The following ARHGEF7 variants were observed in gnomAD, a reference collection of about 807,000 sequenced individuals.
The protein encoded by ARHGEF7 is Rho guanine nucleotide exchange factor 7.
A neutral mutation model predicts 109.8 loss-of-function variants in ARHGEF7; 33 were observed. That is an observed-to-expected ratio of 0.30 (90% confidence interval 0.23 to 0.40). ARHGEF7 has a LOEUF of 0.40. Ranked by LOEUF, ARHGEF7 falls within the 10% of genes least tolerant of loss-of-function variation. The pLI, the probability that ARHGEF7 is intolerant of heterozygous loss-of-function variation, is 1.00. For synonymous variants in ARHGEF7, 458 were observed against 424.6 expected (o/e 1.08, Z -0.97); for missense variants, 938 against 1,098.5 (o/e 0.85, Z 2.07).
intron 8 of ARHGEF7, chr13:111,265,549 G>A (rs1255860401): frequency 2.2e-6 from 1 of 456,700 alleles, no homozygotes; most frequent in Admixed American, 2.3e-5. Context: ...GAGACTGCAT[G>A]GAGGTGGAAC....
intron 2 of ARHGEF7, among the ~76,000 whole-genome samples, chr13:111,177,550 C>T (rs1253079669): frequency 6.6e-6 from 1 of 152,092 alleles, no homozygotes; most frequent in Non-Finnish European, 1.5e-5. Flanking sequence ...ATCCCTGAGC[C>T]GTGTTGGTGA....
chr13:111,244,403 G>GTTAC (rs1353306148), intron 8 of ARHGEF7, 109 bp downstream of exon 8: 2 of 690,576 alleles, frequency 2.9e-6, no homozygotes, highest in African/African-American at 3.7e-5. Flanking sequence ...GCAAACTTAA[G>GTTAC]TTATTTTAAA....
intron 2 of ARHGEF7, among the ~76,000 whole-genome samples, chr13:111,172,521 C>T (rs1275474628): frequency 6.6e-6 from 1 of 152,254 alleles, no homozygotes; most frequent in Non-Finnish European, 1.5e-5. Context: ...GTCACATCCT[C>T]TCTGACTGCT....
intron 1 of ARHGEF7, chr13:111,153,507 C>T (rs978664274): frequency 1.7e-5 from 9 of 537,698 alleles, no homozygotes; most frequent in African/African-American, 2.1e-5. Context: ...GCTCCCTCTA[C>T]CGGACCGAGG....
intron 3 of ARHGEF7, among the ~76,000 whole-genome samples, chr13:111,205,928 C>T (rs1481520445): frequency 6.6e-6 from 1 of 152,086 alleles, no homozygotes; most frequent in East Asian, 1.9e-4. Context: ...TCATGGGCCA[C>T]AGCGAAGACA....
At chr13:111,235,901 A>G (rs542270465) in intron 6 of ARHGEF7, among the ~76,000 whole-genome samples, 26 of 152,324 alleles carry the variant, frequency 1.7e-4, no homozygotes, top group African/African-American at 6.3e-4. Context: ...GTGTGGACCA[A>G]TGGTGTTAAG....
chr13:111,205,235 C>A, intron 2 of ARHGEF7, 54 bp from the exon 3 acceptor site: 1 of 1,431,962 alleles, frequency 7.0e-7, no homozygotes, highest in Non-Finnish European at 9.6e-7. Flanking sequence ...CTTAGTTCAT[C>A]CTGCACCCAA....
chr13:111,154,392 C>CT (rs1431409884), intron 2 of ARHGEF7, among the ~76,000 whole-genome samples: 1 of 152,210 alleles, frequency 6.6e-6, no homozygotes, highest in Non-Finnish European at 1.5e-5. Flanking sequence ...GCATCTAGGT[C>CT]TGGGTCAGGC....
At chr13:111,269,839 C>T (rs2091990627) in intron 9 of ARHGEF7, among the ~76,000 whole-genome samples, 1 of 152,204 alleles carries the variant, frequency 6.6e-6, no homozygotes, top group African/African-American at 2.4e-5. Context: ...GTCAGGCTTC[C>T]CTGTGCCAAG....
chr13:111,181,609 A>T (rs2078737705), intron 2 of ARHGEF7, among the ~76,000 whole-genome samples: 1 of 152,120 alleles, frequency 6.6e-6, no homozygotes, highest in Non-Finnish European at 1.5e-5. Flanking sequence ...CTCGGTTCTG[A>T]GGAAGTGTCT....
intron 2 of ARHGEF7, among the ~76,000 whole-genome samples, chr13:111,163,674 C>T (rs112703680): frequency 6.6e-6 from 1 of 152,152 alleles, no homozygotes; most frequent in Non-Finnish European, 1.5e-5. Context: ...CCTTAGACTA[C>T]AGGCATGCAC....
rs574354046 is a variant in ARHGEF7, at chr13:111,166,844, GT to G, written c.252+12855del. ...CAGCTTCAGACTTCGGCACAAGCAGGTTCTGATTGTGTAGAGTGATGTTCCT... is the reference window on the plus strand; with the variant it reads ...CAGCTTCAGACTTCGGCACAAGCAGGTCTGATTGTGTAGAGTGATGTTCCT... On this transcript the variant is annotated intron_variant, in intron 2 of 21. Coordinates refer to ENST00000646102, the MANE Select transcript of ARHGEF7 (RefSeq NM_001354046.2). Among the ~76,000 whole-genome samples, 415 of 152,346 alleles carry G rather than the reference GT, an allele frequency of 2.7e-3. 2 individuals are homozygous for G. Among genetic ancestry groups the G allele is most frequent in the Non-Finnish European group, 4.6e-3 (312 of 68,030 alleles).
chr13:111,298,468 C>CCCACTACCCTCAGGGT lies in ARHGEF7; in HGVS notation c.2312-2277_2312-2262dup, dbSNP rs544398777. 4.3e-4 allele frequency among the ~76,000 whole-genome samples: 65 copies of CCCACTACCCTCAGGGT among 152,302 alleles called. 1 individual carries two copies. The South Asian group carries it at 0.013, about 30-fold the overall frequency. ...GGGCCCACCAGAAGGCAGCCCAGGG[C>CCCACTACCCTCAGGGT]CCACTACCCTCAGGGTCCTCTCCCG... On this transcript the variant is annotated intron_variant, in intron 19 of 21. Coordinates refer to ENST00000646102, the MANE Select transcript of ARHGEF7 (RefSeq NM_001354046.2).
chr13:111,212,435 T>C (rs2082614794), intron 4 of ARHGEF7, among the ~76,000 whole-genome samples: 1 of 152,208 alleles, frequency 6.6e-6, no homozygotes, highest in Non-Finnish European at 1.5e-5. Flanking sequence ...TCACTCTTTG[T>C]TCGACACCGC....
chr13:111,288,382 G>C lies in ARHGEF7; in HGVS notation c.2073G>C (p.Gln691His), dbSNP rs765744853. 2 of 1,613,654 alleles carry C rather than the reference G, an allele frequency of 1.2e-6. No individual in the cohort carries two copies. The highest frequency in any genetic ancestry group is 8.5e-7 in the Non-Finnish European group (1 of 1,179,600). ...KSTAALEEDA[Q>H]ILKVIEAYCT... ...CAGCTGCTTTGGAAGAAGATGCTCA[G>C]ATTCTGAAAGTCATTGAAGCTTACT... The change falls in exon 18 of 22, where the codon CAG becomes CAC. Residue 691 changes from glutamine (Q) to histidine (H), a missense_variant. Gln to His is a conservative substitution (Grantham distance 24). Around this residue, in one of 4 missense-constraint regions of ARHGEF7, gnomAD observed 22 missense variants for 81.9 expected, o/e 0.27. Transcript: ENST00000646102.
In ARHGEF7 at chr13:111,272,516, C is replaced by T. The variant is rs1461571027; in HGVS notation, c.1074-1298C>T. On this transcript the variant is annotated intron_variant, in intron 9 of 21. Transcript: ENST00000646102. The surrounding 1 kb of genome is among the most constrained non-coding windows in gnomAD (Gnocchi z 5.2). Reference sequence around the variant, plus strand: ...TAATGAGGATATAAAAGTATCTTTTCCTTTTAAGGGAAAACCTCTAGACTA... The same window carrying T: ...TAATGAGGATATAAAAGTATCTTTTTCTTTTAAGGGAAAACCTCTAGACTA... 6.6e-6 allele frequency among the ~76,000 whole-genome samples: 1 copy of T among 152,130 alleles called. No homozygotes were observed. The highest frequency in any genetic ancestry group is 1.9e-4 in the East Asian group (1 of 5,192).
At chr13:111,212,221 G>GT (rs1177185599) in intron 4 of ARHGEF7, among the ~76,000 whole-genome samples, 1 of 152,184 alleles carries the variant, frequency 6.6e-6, no homozygotes, top group African/African-American at 2.4e-5. Context: ...TGCAGTGGAG[G>GT]TTTTCACTTG....
rs564518846 is a variant in ARHGEF7 at position 111,142,162 on chromosome 13, C to T, written c.166-11743C>T. 2.6e-5 allele frequency among the ~76,000 whole-genome samples: 4 copies of T among 152,164 alleles called. No homozygotes were observed. The East Asian group carries it at 7.7e-4, about 29-fold the overall frequency. On this transcript the variant is annotated intron_variant, in intron 1 of 21. Transcript: ENST00000646102. The stretch of plus-strand genomic sequence containing the variant: ...TCAGATCTTTTGCCCATTTTAAAAA[C>T]TAAGTTGTTTTATTAATGAGTTTTA...
intron 6 of ARHGEF7, among the ~76,000 whole-genome samples, chr13:111,242,403 A>G (rs1366993269): frequency 6.6e-6 from 1 of 152,210 alleles, no homozygotes; most frequent in Non-Finnish European, 1.5e-5. Flanking sequence ...TTAAATTTAC[A>G]TTTGGATTAT....
Sources: allele counts gnomAD v4.1 joint callset (sites outside exome capture counted in the v4.1 genomes callset), GRCh38; gene constraint gnomAD v4.1.1; regional missense constraint gnomAD v4.1.1; non-coding constraint Gnocchi (gnomAD v3.1); transcripts MANE v1.5; gene names NCBI Gene and HGNC (gene_info 2026-07-23, HGNC 2026-07-21).